Variants in ZNF608 observed in about 807,000 individuals in gnomAD.
The protein encoded by ZNF608 is zinc finger protein 608.
ZNF608 carries 12 observed loss-of-function variants against 109.0 expected under a neutral mutation model. The observed-to-expected ratio is 0.11, with a 90% CI of 0.07 to 0.18. The LOEUF (loss-of-function observed/expected upper bound fraction) is 0.18, where lower values mean the gene tolerates loss of function less well. ZNF608 is among the 10% of genes least tolerant of loss of function. ZNF608 has a pLI of 1.00. For synonymous variants in ZNF608, 732 were observed against 717.4 expected (o/e 1.02, Z -0.33); for missense variants, 1,707 against 1,879.3 (o/e 0.91, Z 1.70).
chr5:124,687,876 G>A (rs1036675129), intron 3 of ZNF608, among the ~76,000 whole-genome samples: 19 of 152,106 alleles, frequency 1.2e-4, no homozygotes, highest in African/African-American at 4.6e-4. Flanking sequence ...AAGAAGACAA[G>A]GGAAAAGAGA....
chr5:124,711,840 C>G lies in ZNF608; in HGVS notation c.907-10571G>C, dbSNP rs1166040729. On this transcript the variant is annotated intron_variant, in intron 2 of 9. Transcript: ENST00000513986. ...CAAGAGCCCAGGCCAGGCTAAGAAT[C>G]TGGGGGGTTATTATGAAGTTGGAAG... Among the ~76,000 whole-genome samples the G allele has an allele frequency of 2.6e-5, 4 of 152,080 alleles. No homozygotes were observed. In the East Asian group the frequency reaches 7.7e-4, roughly 29 times the overall value.
At chr5:124,692,123 T>C (rs954426649) in intron 3 of ZNF608, among the ~76,000 whole-genome samples, 2 of 152,246 alleles carry the variant, frequency 1.3e-5, no homozygotes, top group East Asian at 3.8e-4. Context: ...TCCTCCTTCC[T>C]TGTGCAGATT....
At chr5:124,684,340 T>C (rs930516985) in intron 3 of ZNF608, among the ~76,000 whole-genome samples, 4 of 152,076 alleles carry the variant, frequency 2.6e-5, no homozygotes, top group African/African-American at 9.7e-5. Flanking sequence ...CCTCCACCCC[T>C]TCACTGTACA....
intron 3 of ZNF608, among the ~76,000 whole-genome samples, chr5:124,692,920 T>C (rs1252968213): frequency 1.3e-5 from 2 of 152,228 alleles, no homozygotes; most frequent in African/African-American, 4.8e-5. Flanking sequence ...CCTTCTATTG[T>C]CTACAAAACA....
At chr5:124,738,652 G>T (rs543252962) in intron 2 of ZNF608, among the ~76,000 whole-genome samples, 1 of 152,222 alleles carries the variant, frequency 6.6e-6, no homozygotes, top group African/African-American at 2.4e-5. Context: ...TCCAAGTCAG[G>T]TTTCATCACA....
At chr5:124,716,142 C>CAAAAAAAAAAAAA (rs1232356378) in intron 2 of ZNF608, among the ~76,000 whole-genome samples, 1 of 73,968 alleles carries the variant, frequency 1.4e-5, no homozygotes, top group Non-Finnish European at 2.8e-5. Flanking sequence ...GAATCCGTCT[C>CAAAAAAAAAAAAA]AAAAAAAAAA....
intron 3 of ZNF608, among the ~76,000 whole-genome samples, chr5:124,688,181 A>T (rs571633921): frequency 6.6e-6 from 1 of 152,254 alleles, no homozygotes; most frequent in South Asian, 2.1e-4. Context: ...ATTTAAAAGT[A>T]TCTTTTAACT....
In ZNF608 at chr5:124,648,062, A is replaced by G; in HGVS notation, c.2322T>C (p.Thr774=). Reference sequence around the variant, plus strand: ...GACTCTTTGGTGTAGCCTGAACAACAGTTGTTGTGAGGGAGGGCAGTCCGG... The same window carrying G: ...GACTCTTTGGTGTAGCCTGAACAACGGTTGTTGTGAGGGAGGGCAGTCCGG... The part of the protein sequence containing the change: ...TIPGLPSLTT[T]VVQATPKSPP... The change falls in exon 5 of 10, where the codon ACT becomes ACC. Residue 774 remains threonine, a synonymous_variant. Transcript: ENST00000513986. 1 of 1,588,176 alleles carries G rather than the reference A, an allele frequency of 6.3e-7. No individual in the cohort carries two copies.
chr5:124,717,283 T>C (rs1041883197), intron 2 of ZNF608, among the ~76,000 whole-genome samples: 63 of 151,596 alleles, frequency 4.2e-4, no homozygotes, highest in African/African-American at 1.5e-3. Flanking sequence ...CTGGCCAACA[T>C]AGAGAAACCC....
intron 3 of ZNF608, among the ~76,000 whole-genome samples, chr5:124,684,287 A>T (rs1752317006): frequency 6.6e-6 from 1 of 152,160 alleles, no homozygotes. Context: ...CTCCTTTGCT[A>T]CCTGAATTTC....
intron 2 of ZNF608, among the ~76,000 whole-genome samples, chr5:124,730,873 C>A (rs1016711742): frequency 6.6e-6 from 1 of 152,138 alleles, no homozygotes; most frequent in Non-Finnish European, 1.5e-5. Context: ...ATTTGTATTT[C>A]GGGGGGTTGT....
intron 3 of ZNF608, among the ~76,000 whole-genome samples, chr5:124,684,761 A>C (rs1217064962): frequency 6.6e-6 from 1 of 152,174 alleles, no homozygotes; most frequent in South Asian, 2.1e-4. Flanking sequence ...CCAGTACACT[A>C]TAGTAACCTC....
intron 2 of ZNF608, among the ~76,000 whole-genome samples, chr5:124,738,436 G>C (rs1308325677): frequency 1.3e-5 from 2 of 152,206 alleles, no homozygotes; most frequent in African/African-American, 4.8e-5. Flanking sequence ...CAAGTTCAGA[G>C]TGCTGGCAAT....
chr5:124,643,946 T>C (rs1304409240), intron 6 of ZNF608, among the ~76,000 whole-genome samples: 1 of 152,224 alleles, frequency 6.6e-6, no homozygotes, highest in African/African-American at 2.4e-5. Context: ...GTGAAAGGAA[T>C]AGTAACTATA....
intron 1 of ZNF608, 118 bp downstream of exon 1, chr5:124,746,077 C>T (rs1045273079): frequency 1.0e-6 from 1 of 973,208 alleles, no homozygotes; most frequent in Non-Finnish European, 1.2e-6. Flanking sequence ...GTGTGTTTGA[C>T]AAAGAGCAGT....
chr5:124,744,377 T>C lies in ZNF608; in HGVS notation c.613A>G (p.Lys205Glu). 1 of 1,614,260 alleles carries C rather than the reference T, an allele frequency of 6.2e-7. No individual in the cohort carries two copies. The highest frequency in any genetic ancestry group is 8.5e-7 in the Non-Finnish European group (1 of 1,180,052). ...TCCTTCCTGGATTTCCCCGCATCCT[T>C]ATCCCGCTTGGCGCCTCGGCTGCTC... ...SQSSRGAKRD[K>E]DAGKSRKDKH... The change falls in exon 2 of 10, where the codon AAG becomes GAG. Residue 205 changes from lysine to glutamate, a missense_variant. By Grantham distance (56) the Lys-to-Glu change is moderately conservative. Transcript: ENST00000513986. The surrounding 1 kb of genome is among the most constrained non-coding windows in gnomAD (Gnocchi z 4.5).
At position 124,701,053 on chromosome 5, in the gene ZNF608, C is replaced by T; in HGVS notation, c.1123G>A (p.Val375Met). The change falls in exon 3 of 10, where the codon GTG becomes ATG. Residue 375 changes from valine (V) to methionine (M), a missense_variant. By Grantham distance (21) the Val-to-Met change is conservative. Transcript: ENST00000513986. Reference sequence around the variant, plus strand: ...TGCCACACGATCCCTTCCAAATTCACACTGGTCCCAGGTTCACAGGGCCCA... The same window carrying T: ...TGCCACACGATCCCTTCCAAATTCATACTGGTCCCAGGTTCACAGGGCCCA... ...CLGPCEPGTS[V>M]NLEGIVWHET... 1 of 1,614,182 alleles carries T rather than the reference C, an allele frequency of 6.2e-7. No homozygotes were observed. The highest frequency in any genetic ancestry group is 1.3e-5 in the African/African-American group (1 of 75,048).
intron 3 of ZNF608, among the ~76,000 whole-genome samples, chr5:124,693,252 T>G (rs1369354889): frequency 6.6e-6 from 1 of 152,182 alleles, no homozygotes; most frequent in Non-Finnish European, 1.5e-5. Flanking sequence ...AAGCTATTCT[T>G]TGCAGCCAAT....
At chr5:124,716,197 G>C (rs996303671) in intron 2 of ZNF608, among the ~76,000 whole-genome samples, 3 of 149,130 alleles carry the variant, frequency 2.0e-5, no homozygotes, top group Non-Finnish European at 3.0e-5. Flanking sequence ...GTTGCTTTAC[G>C]TATCAAAACT....
Sources: allele counts gnomAD v4.1 joint callset (sites outside exome capture counted in the v4.1 genomes callset), GRCh38; gene constraint gnomAD v4.1.1; non-coding constraint Gnocchi (gnomAD v3.1); transcripts MANE v1.5; gene names NCBI Gene and HGNC (gene_info 2026-07-23, HGNC 2026-07-21).